The following LINGO2 variants were observed in gnomAD, a reference collection of about 807,000 sequenced individuals.
The protein encoded by LINGO2 is leucine-rich repeat and immunoglobulin-like domain-containing nogo receptor-interacting protein 2.
Under a neutral mutation model 30.6 loss-of-function variants are expected in LINGO2, and 14 were observed. The ratio of observed to expected loss-of-function variants is 0.46; its 90% CI spans 0.30 to 0.72. The LOEUF is 0.72. Ranked by LOEUF, LINGO2 falls within the 30% of genes least tolerant of loss-of-function variation. The pLI, the probability that LINGO2 is intolerant of heterozygous loss-of-function variation, is 0.07. For missense variants in LINGO2, 729 were observed against 751.7 expected, an observed-to-expected ratio of 0.97 and a Z score of 0.35; for synonymous variants, 317 against 288.5, an observed-to-expected ratio of 1.10 and a Z score of -1.00.
chr9:28,789,039 A>G, the LINGO2 span, among the ~76,000 whole-genome samples: 1 of 152,242 alleles, frequency 6.6e-6, no homozygotes, highest in South Asian at 2.1e-4. Context: ...AAATAAAAAT[A>G]TAATCCTCAT....
chr9:29,083,011 G>A, the LINGO2 span, among the ~76,000 whole-genome samples: 1 of 152,132 alleles, frequency 6.6e-6, no homozygotes, highest in Admixed American at 6.6e-5. Context: ...CAACCATTGT[G>A]GAAGTCAGTG....
Position 28,511,151 on chromosome 9 carries a change from G to A in LINGO2, c.-364-35126C>T, listed in dbSNP as rs1309522684. 2.0e-5 allele frequency among the ~76,000 whole-genome samples: 3 copies of A among 152,126 alleles called. No homozygotes were observed. In the East Asian group the frequency reaches 5.8e-4, roughly 29 times the overall value. On this transcript the variant is annotated intron_variant, in intron 1 of 5. Transcript: ENST00000379992. ...ACTTTGTATCTTTCAGTCCAATCAAGTTGATGCTTAGTATTAACCATCACA... is the reference window on the plus strand; with the variant it reads ...ACTTTGTATCTTTCAGTCCAATCAAATTGATGCTTAGTATTAACCATCACA...
the LINGO2 span, among the ~76,000 whole-genome samples, chr9:29,015,166 C>T: frequency 3.0e-4 from 45 of 151,898 alleles, no homozygotes; most frequent in African/African-American, 8.2e-4. Context: ...GAGGATGAGA[C>T]GAGGGTAGAT....
chr9:28,331,353 G>A (rs1387059167), intron 3 of LINGO2, among the ~76,000 whole-genome samples: 2 of 152,062 alleles, frequency 1.3e-5, no homozygotes, highest in African/African-American at 4.8e-5. Context: ...AATTAATCAA[G>A]TAGAGTTGAA....
At chr9:28,774,481 C>CAT in the LINGO2 span, among the ~76,000 whole-genome samples, 2 of 152,180 alleles carry the variant, frequency 1.3e-5, no homozygotes, top group East Asian at 1.9e-4. Flanking sequence ...ATTTCACACA[C>CAT]ATATATATAC....
At chr9:29,191,190 C>T in the LINGO2 span, among the ~76,000 whole-genome samples, 1 of 152,076 alleles carries the variant, frequency 6.6e-6, no homozygotes, top group Non-Finnish European at 1.5e-5. Context: ...GCAAGACCCT[C>T]AATACATAAG....
At chr9:28,666,471 A>C (rs554491211) in intron 1 of LINGO2, among the ~76,000 whole-genome samples, 1 of 152,310 alleles carries the variant, frequency 6.6e-6, no homozygotes, top group African/African-American at 2.4e-5. Context: ...AAATACCCAT[A>C]AAATATTTGA....
chr9:28,140,606 G>A lies in LINGO2; in HGVS notation c.-86-128201C>T, dbSNP rs79973134. Among the ~76,000 whole-genome samples, 543 of 152,204 alleles carry A rather than the reference G, an allele frequency of 3.6e-3. 1 individual carries two copies. Among genetic ancestry groups the A allele is most frequent in the African/African-American group, 0.012 (506 of 41,532 alleles). On this transcript the variant is annotated intron_variant, in intron 4 of 5. Coordinates refer to ENST00000379992, the Ensembl canonical transcript of LINGO2. ...CTATCTTCATCTGGCAAATTCCTAC[G>A]CATGCCTTAAAATCCAAGTGAAATG...
chr9:29,107,598 C>CT, the LINGO2 span, among the ~76,000 whole-genome samples: 1 of 152,002 alleles, frequency 6.6e-6, no homozygotes, highest in African/African-American at 2.4e-5. Flanking sequence ...TTTCACACCT[C>CT]TTGTCTAGGT....
At chr9:27,949,960 G>C (rs996448403) in exon 6 of LINGO2, 2 of 1,613,984 alleles carry the variant, frequency 1.2e-6, no homozygotes, top group Non-Finnish European at 1.7e-6. Context: ...ATCATATCCA[G>C]TAAAGGCCAA....
chr9:28,654,411 A>G (rs901583439), intron 1 of LINGO2, among the ~76,000 whole-genome samples: 1 of 152,208 alleles, frequency 6.6e-6, no homozygotes, highest in South Asian at 2.1e-4. Context: ...CCTGGTGGGA[A>G]AAAATAAGTT....
At chr9:28,842,668 T>C in the LINGO2 span, among the ~76,000 whole-genome samples, 1 of 151,876 alleles carries the variant, frequency 6.6e-6, no homozygotes. Context: ...TTTTTTGGGA[T>C]AGTCACAGGC....
chr9:28,085,498 T>C (rs1400634813), intron 4 of LINGO2, among the ~76,000 whole-genome samples: 2 of 152,104 alleles, frequency 1.3e-5, no homozygotes, highest in Non-Finnish European at 2.9e-5. Context: ...TAATTGTTTA[T>C]CACTGATGAA....
At chr9:28,854,086 G>A in the LINGO2 span, among the ~76,000 whole-genome samples, 3 of 151,918 alleles carry the variant, frequency 2.0e-5, no homozygotes, top group Non-Finnish European at 4.4e-5. Flanking sequence ...CACAACTTGA[G>A]GGGAGGTACT....
intron 5 of LINGO2, among the ~76,000 whole-genome samples, chr9:27,994,553 C>T (rs1374977899): frequency 6.6e-6 from 1 of 152,038 alleles, no homozygotes; most frequent in African/African-American, 2.4e-5. Context: ...AGTTCCTAGG[C>T]AGAAAGGAAC....
the LINGO2 span, among the ~76,000 whole-genome samples, chr9:28,976,971 A>G: frequency 6.6e-6 from 1 of 152,146 alleles, no homozygotes; most frequent in African/African-American, 2.4e-5. Context: ...TTAGAAGGAA[A>G]TAACCAGTGA....
chr9:28,986,233 A>T, the LINGO2 span, among the ~76,000 whole-genome samples: 1 of 151,690 alleles, frequency 6.6e-6, no homozygotes, highest in Admixed American at 6.6e-5. Context: ...TGTGTGTTTA[A>T]TTAATTAATT....
chr9:28,006,890 C>A (rs913101810), intron 5 of LINGO2, among the ~76,000 whole-genome samples: 5 of 151,528 alleles, frequency 3.3e-5, no homozygotes, highest in Non-Finnish European at 5.9e-5. Flanking sequence ...GTGTAGAGAG[C>A]AGCTAATCCA....
intron 1 of LINGO2, among the ~76,000 whole-genome samples, chr9:28,511,691 T>G (rs1484259054): frequency 6.6e-6 from 1 of 152,186 alleles, no homozygotes; most frequent in African/African-American, 2.4e-5. Flanking sequence ...CAAATTTCTT[T>G]GTCACCAATT....
Sources: gnomAD v4.1 joint callset for allele counts (sites outside exome capture counted in the v4.1 genomes callset) on GRCh38, gnomAD v4.1.1 for gene constraint, MANE v1.5 for transcripts, NCBI Gene and HGNC (gene_info 2026-07-23, HGNC 2026-07-21) for gene names.